Variants in FASN observed in about 807,000 individuals in gnomAD.
The protein encoded by FASN is 3-hydroxyacyl-[acyl-carrier-protein] dehydratase.
Under a neutral mutation model 250.0 loss-of-function variants are expected in FASN, and 50 were observed. That is an observed-to-expected ratio of 0.20 (90% confidence interval 0.16 to 0.25). FASN has a LOEUF of 0.25. FASN is among the 10% of genes least tolerant of loss of function. FASN has a pLI of 1.00. For missense variants in FASN, 3,031 were observed against 3,498.5 expected, an observed-to-expected ratio of 0.87 and a Z score of 3.37; for synonymous variants, 1,909 against 1,584.0, an observed-to-expected ratio of 1.21 and a Z score of -4.87.
At chr17:82,095,167 C>A (rs2144811315) in intron 3 of FASN, among the ~76,000 whole-genome samples, 153 bp downstream of exon 3, 1 of 152,346 alleles carries the variant, frequency 6.6e-6, no homozygotes, top group East Asian at 1.9e-4. Flanking sequence ...GTGGCCCACA[C>A]CTCCCTGAGC....
chr17:82,092,825 C>T lies in FASN; in HGVS notation c.779-13G>A, dbSNP rs748757789. 38 of 1,587,126 alleles carry T rather than the reference C, an allele frequency of 2.4e-5. No homozygotes were observed. Among genetic ancestry groups the T allele is most frequent in the South Asian group, 8.0e-5 (7 of 87,656 alleles). The stretch of plus-strand genomic sequence containing the variant: ...GGGAAGGTCACGCCTGCGGAGGGCT[C>T]GGCTCAGTGCTGCAGCCCCAGCCCC... On this transcript the variant is annotated splice_polypyrimidine_tract_variant and intron_variant, in intron 6 of 42. Transcript: ENST00000306749.
At position 82,083,656 on chromosome 17, in the gene FASN, G is replaced by C. The variant is rs376151015; in HGVS notation, c.5219-17C>G. The C allele has an allele frequency of 6.2e-7, 1 of 1,604,596 alleles. No homozygotes were observed. Among genetic ancestry groups the C allele is most frequent in the East Asian group, 2.2e-5 (1 of 44,648 alleles). On this transcript the variant is annotated splice_polypyrimidine_tract_variant and intron_variant, in intron 30 of 42. Coordinates refer to ENST00000306749, the MANE Select transcript of FASN (RefSeq NM_004104.5). The stretch of plus-strand genomic sequence containing the variant: ...GGTCAACGCCTAGGGGGCCAGAGGG[G>C]CCAGACAATCACACCCACTGCAAGC...
Position 82,078,591 on chromosome 17 carries a change from G to A in FASN, c.*552C>T, listed in dbSNP as rs2033931849. ...GGGCCGCTGGGTGTGGCCGGGCCCT[G>A]TGTGCCTGTGCAGGGGCCCAGCTCC... On this transcript the variant is annotated 3_prime_UTR_variant, in exon 43 of 43. Coordinates refer to ENST00000306749, the MANE Select transcript of FASN (RefSeq NM_004104.5). The surrounding 1 kb of genome is among the most constrained non-coding windows in gnomAD (Gnocchi z 5.4). 1.1e-5 allele frequency: 2 copies of A among 174,582 alleles called. No homozygotes were observed. Among genetic ancestry groups the A allele is most frequent in the East Asian group, 1.6e-4 (1 of 6,150 alleles). The allele number at this position is 174,582 out of a possible 1,614,324, so 10.8% of individuals were successfully genotyped here.
chr17:82,083,833 G>A lies in FASN; in HGVS notation c.5157C>T (p.Ser1719=). The stretch of plus-strand genomic sequence containing the variant: ...AGGATGTGTCCCGGGAGTTGGCGAA[G>A]CTGGTGCTGTCGAGCTGGGGGAACC... The part of the protein sequence containing the change: ...QARFPQLDST[S]FANSRDTSFE... The change falls in exon 30 of 43, where the codon AGC becomes AGT. Residue 1719 remains serine (S), a synonymous_variant. Transcript: ENST00000306749. 6.2e-7 allele frequency: 1 copy of A among 1,604,044 alleles called. No homozygotes were observed. Among genetic ancestry groups the A allele is most frequent in the East Asian group, 2.2e-5 (1 of 44,594 alleles).
At position 82,081,251 on chromosome 17, in the gene FASN, G is replaced by A. The variant is rs746904826; in HGVS notation, c.6508C>T (p.Leu2170Phe). The A allele has an allele frequency of 2.3e-5, 37 of 1,581,036 alleles. No individual in the cohort carries two copies. The highest frequency in any genetic ancestry group is 3.4e-4 in the Middle Eastern group (2 of 5,950). ...TCGCGCACGGACAGCACCAGGTTGAGCTCACGCTCCAGCGTCTGGCGCACC... is the reference window on the plus strand; with the variant it reads ...TCGCGCACGGACAGCACCAGGTTGAACTCACGCTCCAGCGTCTGGCGCACC... ...VEVRQTLERE[L>F]NLVLSVREVR... is the part of the protein sequence containing the mutation. Residue 2170 changes from leucine to phenylalanine, a missense_variant, in exon 38 of 43, where the codon CTC (leucine) becomes TTC (phenylalanine). Physicochemically the swap from Leu to Phe is conservative, Grantham distance 22 (BLOSUM62 0). Coordinates refer to ENST00000306749, the MANE Select transcript of FASN (RefSeq NM_004104.5).
At position 82,090,997 on chromosome 17, in the gene FASN, C is replaced by A; in HGVS notation, c.1565G>T (p.Arg522Leu). ...RLDRFRDSILRSDEAVKPFGL... is the reference protein window; with the variant it reads ...RLDRFRDSILLSDEAVKPFGL... ...GAATGGCTTCACAGCCTCATCGGAG[C>A]GTAGGATGGAATCTCGGAAGCGGTC... is the stretch of plus-strand genomic sequence containing the variant. The change falls in exon 10 of 43, where the codon CGC becomes CTC. Residue 522 changes from arginine to leucine, a missense_variant. Coordinates refer to ENST00000306749, the MANE Select transcript of FASN (RefSeq NM_004104.5). 2 of 1,612,860 alleles carry A rather than the reference C, an allele frequency of 1.2e-6. No individual in the cohort carries two copies. Among genetic ancestry groups the A allele is most frequent in the East Asian group, 2.2e-5 (1 of 44,890 alleles).
At chr17:82,096,231 G>A (rs1180252100) in intron 2 of FASN, 88 bp downstream of exon 2, 6 of 1,590,070 alleles carry the variant, frequency 3.8e-6, no homozygotes, top group Non-Finnish European at 5.1e-6. Context: ...GGGTGGTGAG[G>A]ACACAGCACA....
rs374021258 is a variant in FASN at position 82,087,985 on chromosome 17, C to G, written c.2835G>C (p.Glu945Asp). ...VRLLEASRAFEVSENGNLVVS... is the reference protein window; with the variant it reads ...VRLLEASRAFDVSENGNLVVS... Reference sequence around the variant, plus strand: ...CTACCAGGTTGCCGTTCTCTGACACCTCGAAGGCACGGGAGGCCTCCAGGA... The same window carrying G: ...CTACCAGGTTGCCGTTCTCTGACACGTCGAAGGCACGGGAGGCCTCCAGGA... The change falls in exon 18 of 43, where the codon GAG becomes GAC. Residue 945 changes from glutamate to aspartate, a missense_variant. Coordinates refer to ENST00000306749, the MANE Select transcript of FASN (RefSeq NM_004104.5). The G allele has an allele frequency of 3.4e-5, 55 of 1,612,620 alleles. No homozygotes were observed. Among genetic ancestry groups the G allele is most frequent in the African/African-American group, 5.3e-5 (4 of 74,912 alleles).
chr17:82,096,192 C>A (rs2034299253), intron 2 of FASN, 127 bp downstream of exon 2: 1 of 1,462,708 alleles, frequency 6.8e-7, no homozygotes, highest in Non-Finnish European at 9.4e-7. Context: ...AGTGGCTCTG[C>A]AGCTGGGACC....
Position 82,091,480 on chromosome 17 carries a change from G to A in FASN, c.1234C>T (p.Pro412Ser), listed in dbSNP as rs1351454827. 2 of 1,605,100 alleles carry A rather than the reference G, an allele frequency of 1.2e-6. No homozygotes were observed. Among genetic ancestry groups the A allele is most frequent in the East Asian group, 2.2e-5 (1 of 44,464 alleles). Residue 412 changes from proline to serine, a missense_variant, in exon 9 of 43, where the codon CCC (proline) becomes TCC (serine). Physicochemically the swap from Pro to Ser is moderately conservative, Grantham distance 74. Coordinates refer to ENST00000306749, the MANE Select transcript of FASN (RefSeq NM_004104.5). ...IILRPNTQPPPAPAPHATLPR... is the reference protein window; with the variant it reads ...IILRPNTQPPSAPAPHATLPR... Reference sequence around the variant, plus strand: ...AGGGTGGCATGTGGGGCGGGTGCGGGGGGCGGCTGCGTGTTGGGCCTCAGG... The same window carrying A: ...AGGGTGGCATGTGGGGCGGGTGCGGAGGGCGGCTGCGTGTTGGGCCTCAGG...
chr17:82,083,854 G>A lies in FASN; in HGVS notation c.5136C>T (p.Phe1712=). 1 of 1,591,626 alleles carries A rather than the reference G, an allele frequency of 6.3e-7. No individual in the cohort carries two copies. The highest frequency in any genetic ancestry group is 8.5e-7 in the Non-Finnish European group (1 of 1,169,948). The part of the protein sequence containing the change: ...AEKRAYLQAR[F]PQLDSTSFAN... ...CGAAGCTGGTGCTGTCGAGCTGGGGGAACCTGGCCTGGAGGTACGCCCGCT... is the reference window on the plus strand; with the variant it reads ...CGAAGCTGGTGCTGTCGAGCTGGGGAAACCTGGCCTGGAGGTACGCCCGCT... The change falls in exon 30 of 43, where the codon TTC becomes TTT. Residue 1712 remains phenylalanine, a synonymous_variant. Transcript: ENST00000306749.
chr17:82,094,033 G>A lies in FASN; in HGVS notation c.281-262C>T, dbSNP rs113070073. 1.2e-3 allele frequency: 651 copies of A among 561,610 alleles called. 1 individual carries two copies. Among genetic ancestry groups the A allele is most frequent in the African/African-American group, 0.011 (562 of 53,120 alleles). The allele number at this position is 561,610 out of a possible 1,614,324, so 34.8% of individuals were successfully genotyped here. On this transcript the variant is annotated intron_variant, in intron 3 of 42. Coordinates refer to ENST00000306749, the MANE Select transcript of FASN (RefSeq NM_004104.5). ...TCACAGAGGGAACGAGGCGGAGGGG[G>A]CAGGCGGGCCCAGGGGAGGGCACCA... is the stretch of plus-strand genomic sequence containing the variant.
At chr17:82,079,924 T>C in intron 41 of FASN, 1 of 652,596 alleles carries the variant, frequency 1.5e-6, no homozygotes. Flanking sequence ...GTCAGGCTGG[T>C]CTCGAACTCC....
chr17:82,079,639 C>A (rs747768829), intron 41 of FASN, 31 bp from the exon 42 acceptor site: 2 of 1,596,530 alleles, frequency 1.3e-6, no homozygotes, highest in Admixed American at 3.3e-5. Flanking sequence ...CAGGTGCTGG[C>A]AGCACCCACA....
At chr17:82,092,011 G>A (rs1438829971) in intron 8 of FASN, among the ~76,000 whole-genome samples, 8 of 152,214 alleles carry the variant, frequency 5.3e-5, no homozygotes, top group Non-Finnish European at 1.5e-5. Flanking sequence ...GAAGTTGGGG[G>A]GCAGAGGGCG....
chr17:82,091,950 G>C (rs574354103), intron 8 of FASN, among the ~76,000 whole-genome samples: 1 of 152,354 alleles, frequency 6.6e-6, no homozygotes, highest in African/African-American at 2.4e-5. Context: ...CCTGGCTGTG[G>C]CCTGAACACT....
In FASN at chr17:82,082,894, A is replaced by G; in HGVS notation, c.5767+20T>C. On this transcript the variant is annotated intron_variant, in intron 33 of 42. Transcript: ENST00000306749. The stretch of plus-strand genomic sequence containing the variant: ...CTGTGCCTGGCCCAGGCTGGTCCAC[A>G]AGCACCCCTGCCGACTCACCTGTCC... The G allele has an allele frequency of 6.2e-7, 1 of 1,612,156 alleles. No homozygotes were observed. The highest frequency in any genetic ancestry group is 1.1e-5 in the South Asian group (1 of 91,034).
rs771557254 is a variant in FASN at position 82,087,164 on chromosome 17, G to A, written c.3313C>T (p.Arg1105Trp). 8 of 1,609,290 alleles carry A rather than the reference G, an allele frequency of 5.0e-6. No individual in the cohort carries two copies. The highest frequency in any genetic ancestry group is 1.1e-5 in the South Asian group (1 of 90,458). ...ATGGGCACCTGCTGCTCCTGCTGCC[G>A]CCGCGGGGCCGACTCAGTGTGGAGC... is the stretch of plus-strand genomic sequence containing the variant. ...SGLHTESAPR[R>W]QQEQQVPILE... Residue 1105 changes from arginine to tryptophan, a missense_variant, in exon 21 of 43, where the codon CGG becomes TGG. Transcript: ENST00000306749.
Position 82,092,600 on chromosome 17 carries a change from CAT to C in FASN, c.895-13_895-12del. ...CTGGGGGTCGCCCACCTGTGGGAAA[CAT>C]GGGGGGTGAGGGGCTCTGGCCAGGT... On this transcript the variant is annotated splice_polypyrimidine_tract_variant and intron_variant, in intron 7 of 42. Coordinates refer to ENST00000306749, the MANE Select transcript of FASN (RefSeq NM_004104.5). 1.3e-6 allele frequency: 2 copies of C among 1,555,788 alleles called. No individual in the cohort carries two copies. The highest frequency in any genetic ancestry group is 1.7e-6 in the Non-Finnish European group (2 of 1,150,428).
Sources: gnomAD v4.1 joint callset for allele counts (sites outside exome capture counted in the v4.1 genomes callset) on GRCh38, gnomAD v4.1.1 for gene constraint, Gnocchi (gnomAD v3.1) non-coding constraint, MANE v1.5 for transcripts, NCBI Gene and HGNC (gene_info 2026-07-23, HGNC 2026-07-21) for gene names.